The following NFIB variants were observed in gnomAD, a reference collection of about 807,000 sequenced individuals.
The protein encoded by NFIB is nuclear factor 1 B-type.
Under a neutral mutation model 61.5 loss-of-function variants are expected in NFIB, and 11 were observed. The ratio of observed to expected loss-of-function variants is 0.18; its 90% CI spans 0.11 to 0.30. NFIB has a LOEUF of 0.30. NFIB is among the 10% of genes least tolerant of loss of function. The pLI, the probability that NFIB is intolerant of heterozygous loss-of-function variation, is 1.00. For synonymous variants in NFIB, 260 were observed against 216.5 expected (o/e 1.20, Z -1.76); for missense variants, 471 against 608.9 (o/e 0.77, Z 2.38).
chr9:14,366,123 T>A (rs2061297151), intron 1 of NFIB, among the ~76,000 whole-genome samples: 1 of 152,100 alleles, frequency 6.6e-6, no homozygotes, highest in Non-Finnish European at 1.5e-5. Context: ...ACAGTTGCAT[T>A]ATATAAAATT....
chr9:14,147,048 A>G (rs556457910), intron 5 of NFIB, among the ~76,000 whole-genome samples: 1 of 152,304 alleles, frequency 6.6e-6, no homozygotes, highest in Admixed American at 6.5e-5. Flanking sequence ...CATTATATTT[A>G]TCTTTCAAAT....
intron 10 of NFIB, chr9:14,102,481 T>A: frequency 6.4e-7 from 1 of 1,550,430 alleles, no homozygotes; most frequent in Non-Finnish European, 8.7e-7. Flanking sequence ...GCCTGCCGTT[T>A]TGATTCATGG....
At chr9:14,267,069 C>T (rs186087468) in intron 2 of NFIB, among the ~76,000 whole-genome samples, 2 of 152,216 alleles carry the variant, frequency 1.3e-5, no homozygotes, top group Non-Finnish European at 2.9e-5. Flanking sequence ...AGATTGCATA[C>T]ACAGTTCTCA....
the NFIB span, among the ~76,000 whole-genome samples, chr9:14,425,607 A>ATTTTT: frequency 2.5e-4 from 25 of 99,034 alleles, no homozygotes; most frequent in South Asian, 3.8e-4. Context: ...TTGCTACATA[A>ATTTTT]TTTTTTTTTT....
the NFIB span, among the ~76,000 whole-genome samples, chr9:14,419,087 T>C: frequency 6.6e-6 from 1 of 151,968 alleles, no homozygotes; most frequent in Non-Finnish European, 1.5e-5. Context: ...GCTGGCTTAC[T>C]TTCAGACCCA....
the NFIB span, among the ~76,000 whole-genome samples, chr9:14,447,870 T>C: frequency 6.6e-6 from 1 of 152,158 alleles, no homozygotes; most frequent in South Asian, 2.1e-4. Flanking sequence ...TTTTCAGAGT[T>C]CATTGATCGA....
chr9:14,329,068 T>C (rs973404936), intron 1 of NFIB, among the ~76,000 whole-genome samples: 11 of 152,242 alleles, frequency 7.2e-5, no homozygotes, highest in Non-Finnish European at 1.6e-4. Context: ...TTGCCCCTTC[T>C]TGTATCATAT....
chr9:14,131,266 A>G (rs1414872010), intron 6 of NFIB, among the ~76,000 whole-genome samples: 1 of 152,208 alleles, frequency 6.6e-6, no homozygotes, highest in Non-Finnish European at 1.5e-5. Context: ...CAAGTAGGCT[A>G]CTGATAAAGT....
intron 2 of NFIB, among the ~76,000 whole-genome samples, chr9:14,288,607 G>A (rs553851563): frequency 7.9e-5 from 12 of 152,016 alleles, no homozygotes; most frequent in East Asian, 5.8e-4. Flanking sequence ...CCTCCTCTCC[G>A]TGACCTTTCC....
rs188136636 is a variant in NFIB at position 14,293,072 on chromosome 9, C to G, written c.562+13917G>C. 4.2e-3 allele frequency among the ~76,000 whole-genome samples: 643 copies of G among 152,294 alleles called. 6 individuals are homozygous for G. Among genetic ancestry groups the G allele is most frequent in the African/African-American group, 0.015 (619 of 41,552 alleles). On this transcript the variant is annotated intron_variant, in intron 2 of 10. Transcript: ENST00000380953. ...ACTTTCCATGCAATATGTAGATTAA[C>G]CATGAAATTCTGTTTGGGACACTTT...
rs2032460774 is a variant in NFIB, at chr9:14,084,115, G to C, written c.*4194C>G. On this transcript the variant is annotated 3_prime_UTR_variant, in exon 11 of 11. Coordinates refer to ENST00000380953, the MANE Select transcript of NFIB (RefSeq NM_001190737.2). Reference sequence around the variant, plus strand: ...CTATGCTTTTCAAGCACAGGAATCTGTGAAATAACTCCTAACATGGACAGA... The same window carrying C: ...CTATGCTTTTCAAGCACAGGAATCTCTGAAATAACTCCTAACATGGACAGA... The C allele has an allele frequency of 9.8e-6, 2 of 204,918 alleles. No individual in the cohort carries two copies. Among genetic ancestry groups the C allele is most frequent in the Admixed American group, 6.0e-5 (1 of 16,746 alleles). 12.7% of individuals were successfully genotyped at this position (204,918 alleles called of 1,614,324 possible).
the NFIB span, among the ~76,000 whole-genome samples, chr9:14,449,915 G>A: frequency 1.3e-5 from 2 of 151,928 alleles, no homozygotes; most frequent in Non-Finnish European, 2.9e-5. Flanking sequence ...AGCCTGGGCA[G>A]CAGAGCAAGA....
the NFIB span, among the ~76,000 whole-genome samples, chr9:14,467,691 A>T: frequency 6.6e-6 from 1 of 152,244 alleles, no homozygotes; most frequent in Admixed American, 6.5e-5. Flanking sequence ...TCATTCAATA[A>T]ATACTTATCA....
At chr9:14,114,827 T>TA (rs961634247) in intron 9 of NFIB, among the ~76,000 whole-genome samples, 26 of 151,840 alleles carry the variant, frequency 1.7e-4, no homozygotes, top group South Asian at 8.3e-4. Context: ...TTCAACTACT[T>TA]AAAAAAAAAT....
chr9:14,125,517 G>A (rs2039531192), intron 7 of NFIB, 115 bp downstream of exon 7: 1 of 1,398,172 alleles, frequency 7.2e-7, no homozygotes, highest in Middle Eastern at 2.7e-4. Context: ...CTCACCATAT[G>A]GGTTGAGAAA....
the NFIB span, among the ~76,000 whole-genome samples, chr9:14,449,105 C>A: frequency 6.6e-6 from 1 of 152,092 alleles, no homozygotes; most frequent in Non-Finnish European, 1.5e-5. Flanking sequence ...AATTCCCAGA[C>A]CTTAAAGGGC....
chr9:14,163,360 T>C (rs540820129), intron 3 of NFIB, among the ~76,000 whole-genome samples: 22 of 151,924 alleles, frequency 1.4e-4, no homozygotes, highest in Middle Eastern at 3.4e-3. Flanking sequence ...GGAGTTTAGG[T>C]CAACTGAAAA....
At chr9:14,383,001 A>G (rs767684854) in intron 1 of NFIB, among the ~76,000 whole-genome samples, 30 of 152,302 alleles carry the variant, frequency 2.0e-4, no homozygotes, top group Non-Finnish European at 3.4e-4. Flanking sequence ...AGAAGTAGCT[A>G]ACTAATATCA....
intron 2 of NFIB, among the ~76,000 whole-genome samples, chr9:14,272,158 G>A (rs563515968): frequency 3.3e-5 from 5 of 151,966 alleles, no homozygotes; most frequent in African/African-American, 9.7e-5. Context: ...TCCATTATAC[G>A]TTTTGAACAA....
Sources: gnomAD v4.1 joint callset for allele counts (sites outside exome capture counted in the v4.1 genomes callset) on GRCh38, gnomAD v4.1.1 for gene constraint, MANE v1.5 for transcripts, NCBI Gene and HGNC (gene_info 2026-07-23, HGNC 2026-07-21) for gene names.